The following NRG1 variants were observed in gnomAD, a reference collection of about 807,000 sequenced individuals.
The protein encoded by NRG1 is neuregulin 1.
A neutral mutation model predicts 63.8 loss-of-function variants in NRG1; 18 were observed. That is an observed-to-expected ratio of 0.28 (90% CI 0.19 to 0.42). The LOEUF is 0.42. Ranked by LOEUF, NRG1 falls within the 10% of genes least tolerant of loss-of-function variation. The pLI is 1.00. For synonymous variants in NRG1, 302 were observed against 301.3 expected (o/e 1.00, Z -0.02); for missense variants, 762 against 814.7 (o/e 0.94, Z 0.79).
chr8:32,080,179 T>C (rs1827234141), intron 1 of NRG1, among the ~76,000 whole-genome samples: 1 of 152,210 alleles, frequency 6.6e-6, no homozygotes, highest in Non-Finnish European at 1.5e-5. Flanking sequence ...TTTTCTCTTA[T>C]GCAATCATGG....
intron 1 of NRG1, among the ~76,000 whole-genome samples, chr8:31,926,851 T>C (rs1834397687): frequency 6.6e-6 from 1 of 152,172 alleles, no homozygotes; most frequent in African/African-American, 2.4e-5. Context: ...TTGTTAGCTT[T>C]CAGCAACATC....
At chr8:32,549,345 G>C (rs1179708040) in intron 1 of NRG1, among the ~76,000 whole-genome samples, 1 of 152,230 alleles carries the variant, frequency 6.6e-6, no homozygotes, top group East Asian at 1.9e-4. Context: ...TAGCTTCGGC[G>C]TTTTGGGGCA....
intron 1 of NRG1, among the ~76,000 whole-genome samples, chr8:32,343,873 A>G (rs1804395681): frequency 1.3e-5 from 2 of 152,242 alleles, no homozygotes; most frequent in African/African-American, 2.4e-5. Context: ...AGGTCATCAG[A>G]TTCTGTAAGA....
chr8:32,753,433 G>A (rs1829097639), intron 7 of NRG1, among the ~76,000 whole-genome samples: 1 of 152,166 alleles, frequency 6.6e-6, no homozygotes, highest in South Asian at 2.1e-4. Flanking sequence ...AGTATCTTTG[G>A]TTCAAAGTTC....
chr8:32,590,691 A>G (rs1042193082), intron 1 of NRG1, among the ~76,000 whole-genome samples: 4 of 152,190 alleles, frequency 2.6e-5, no homozygotes, highest in Admixed American at 1.3e-4. Flanking sequence ...GTTTCATGTG[A>G]GTAAACCATA....
chr8:31,662,561 T>G (rs1277067691), intron 1 of NRG1, among the ~76,000 whole-genome samples: 1 of 152,110 alleles, frequency 6.6e-6, no homozygotes, highest in African/African-American at 2.4e-5. Context: ...GGTCTGCAAA[T>G]GTCTGAGTAT....
intron 1 of NRG1, among the ~76,000 whole-genome samples, chr8:31,832,967 G>A (rs1825312107): frequency 3.9e-5 from 6 of 152,098 alleles, no homozygotes; most frequent in Admixed American, 3.3e-4. Context: ...AAGTTACCAA[G>A]GACAGATGCA....
chr8:32,434,030 A>G (rs1308196543), intron 1 of NRG1, among the ~76,000 whole-genome samples: 1 of 152,030 alleles, frequency 6.6e-6, no homozygotes, highest in Non-Finnish European at 1.5e-5. Flanking sequence ...TACTAAAAAT[A>G]CAAAAATTAG....
At chr8:32,364,625 A>G (rs1031689268) in intron 1 of NRG1, among the ~76,000 whole-genome samples, 4 of 152,146 alleles carry the variant, frequency 2.6e-5, no homozygotes, top group Admixed American at 1.3e-4. Flanking sequence ...TAATAATGTG[A>G]TAAACATCCT....
chr8:32,585,186 G>A (rs1417397043), intron 1 of NRG1, among the ~76,000 whole-genome samples: 1 of 149,724 alleles, frequency 6.7e-6, no homozygotes, highest in African/African-American at 2.5e-5. Context: ...GAATATGGCT[G>A]GTATGTATAA....
intron 5 of NRG1, among the ~76,000 whole-genome samples, chr8:32,725,739 G>A (rs1269794251): frequency 6.6e-6 from 1 of 151,890 alleles, no homozygotes; most frequent in African/African-American, 2.4e-5. Flanking sequence ...CTCCCAAAGT[G>A]CTGGGATTAC....
intron 1 of NRG1, among the ~76,000 whole-genome samples, chr8:31,964,911 A>G (rs1436077075): frequency 6.6e-6 from 1 of 152,206 alleles, no homozygotes; most frequent in African/African-American, 2.4e-5. Context: ...ATGGTGATGA[A>G]GCAGGTCATG....
At chr8:32,467,557 A>G (rs765191335) in intron 1 of NRG1, among the ~76,000 whole-genome samples, 1 of 152,238 alleles carries the variant, frequency 6.6e-6, no homozygotes, top group South Asian at 2.1e-4. Context: ...AGCTTAATTC[A>G]TAGAAATCAC....
intron 1 of NRG1, among the ~76,000 whole-genome samples, chr8:32,380,092 C>CT (rs938144257): frequency 6.6e-6 from 1 of 152,058 alleles, no homozygotes; most frequent in Non-Finnish European, 1.5e-5. Flanking sequence ...TATTTATTAC[C>CT]TTTTTGCTTC....
intron 1 of NRG1, among the ~76,000 whole-genome samples, chr8:32,258,121 C>T (rs1849939462): frequency 6.6e-6 from 1 of 152,186 alleles, no homozygotes. Flanking sequence ...TTTTTTAAGA[C>T]ACAAAGCCAA....
chr8:31,945,524 T>C (rs1429947934), intron 1 of NRG1, among the ~76,000 whole-genome samples: 1 of 152,166 alleles, frequency 6.6e-6, no homozygotes, highest in African/African-American at 2.4e-5. Flanking sequence ...TAGAGATAAA[T>C]ATGTGCGCCC....
intron 1 of NRG1, among the ~76,000 whole-genome samples, chr8:32,347,662 G>A (rs1470519151): frequency 5.3e-5 from 8 of 152,132 alleles, no homozygotes; most frequent in African/African-American, 1.9e-4. Flanking sequence ...CCATGGACTT[G>A]GAAAACATGA....
At chr8:31,945,530 C>T (rs902795866) in intron 1 of NRG1, among the ~76,000 whole-genome samples, 1 of 152,122 alleles carries the variant, frequency 6.6e-6, no homozygotes, top group Non-Finnish European at 1.5e-5. Context: ...TAAATATGTG[C>T]GCCCCTTTTT....
At chr8:32,756,000 C>T (rs572880733) in intron 8 of NRG1, among the ~76,000 whole-genome samples, 7 of 152,166 alleles carry the variant, frequency 4.6e-5, no homozygotes, top group African/African-American at 9.6e-5. Flanking sequence ...CCTTTGCCTC[C>T]GAAAGTGCTA....
Sources: gnomAD v4.1 joint callset for allele counts (sites outside exome capture counted in the v4.1 genomes callset) on GRCh38, gnomAD v4.1.1 for gene constraint, MANE v1.5 for transcripts, NCBI Gene and HGNC (gene_info 2026-07-23, HGNC 2026-07-21) for gene names.